DROSHA: variants seen among roughly 807,000 people sequenced by gnomAD.
DROSHA encodes ribonuclease 3.
DROSHA carries 56 observed loss-of-function variants against 181.9 expected under a neutral mutation model. The observed-to-expected ratio is 0.31, with a 90% CI of 0.25 to 0.38. The LOEUF is 0.38. Ranked by LOEUF, DROSHA falls within the 10% of genes least tolerant of loss-of-function variation. The probability of loss-of-function intolerance (pLI) is 1.00; values close to 1 mark genes in which losing one functional copy is unlikely to be tolerated. For missense variants in DROSHA, 1,218 were observed against 1,743.5 expected, an observed-to-expected ratio of 0.70 and a Z score of 5.37; for synonymous variants, 524 against 591.2, an observed-to-expected ratio of 0.89 and a Z score of 1.65.
At chr5:31,500,532 C>T (rs1753477503) in intron 11 of DROSHA, among the ~76,000 whole-genome samples, 1 of 152,196 alleles carries the variant, frequency 6.6e-6, no homozygotes, top group Non-Finnish European at 1.5e-5. Flanking sequence ...AATTCAAGGA[C>T]TCAAGGAAGT....
chr5:31,421,655 C>G (rs1471571230), intron 29 of DROSHA: 1 of 321,056 alleles, frequency 3.1e-6, no homozygotes, highest in Non-Finnish European at 5.7e-6. Flanking sequence ...AGCTGAAGAG[C>G]ATAAATTGAA....
At chr5:31,494,469 C>A (rs1415057151) in intron 12 of DROSHA, among the ~76,000 whole-genome samples, 1 of 151,892 alleles carries the variant, frequency 6.6e-6, no homozygotes, top group Non-Finnish European at 1.5e-5. Flanking sequence ...TGAAAAACTT[C>A]ACAAAGATGG....
chr5:31,515,384 G>T, intron 7 of DROSHA, 70 bp downstream of exon 7: 1 of 1,013,234 alleles, frequency 9.9e-7, no homozygotes, highest in Non-Finnish European at 1.5e-6. Flanking sequence ...CAGTCTGGTG[G>T]CATCAGAATC....
intron 6 of DROSHA, among the ~76,000 whole-genome samples, chr5:31,518,945 A>AT (rs1031695174): frequency 6.6e-6 from 1 of 152,106 alleles, no homozygotes; most frequent in Non-Finnish European, 1.5e-5. Context: ...ATCAGTTAAT[A>AT]TTTTTTTTAA....
intron 6 of DROSHA, among the ~76,000 whole-genome samples, chr5:31,517,342 T>A (rs75916649): frequency 0.055 from 8,437 of 152,264 alleles, 732 homozygotes; most frequent in African/African-American, 0.18. Flanking sequence ...AGAGATCTTT[T>A]TATGCTTCCT....
intron 10 of DROSHA, among the ~76,000 whole-genome samples, chr5:31,507,840 A>G (rs1359650997): frequency 6.6e-6 from 1 of 152,234 alleles, no homozygotes; most frequent in Non-Finnish European, 1.5e-5. Flanking sequence ...GCAGTTCTGC[A>G]AACATTTCTG....
At chr5:31,426,143 T>C (rs910307801) in intron 27 of DROSHA, among the ~76,000 whole-genome samples, 2 of 152,058 alleles carry the variant, frequency 1.3e-5, no homozygotes, top group African/African-American at 4.8e-5. Flanking sequence ...CTTGGTGTAA[T>C]AGCATAACAC....
At chr5:31,407,674 T>A (rs1000941743) in intron 33 of DROSHA, among the ~76,000 whole-genome samples, 14 of 152,206 alleles carry the variant, frequency 9.2e-5, no homozygotes, top group African/African-American at 3.1e-4. Flanking sequence ...ATGATCTTGA[T>A]AAAATGAGCA....
At chr5:31,450,422 A>G (rs1746838210) in intron 21 of DROSHA, among the ~76,000 whole-genome samples, 1 of 152,244 alleles carries the variant, frequency 6.6e-6, no homozygotes, top group Admixed American at 6.5e-5. Flanking sequence ...AAGATATGGA[A>G]TCAACCTAAG....
At chr5:31,498,187 C>T (rs1347507853) in intron 11 of DROSHA, among the ~76,000 whole-genome samples, 3 of 152,114 alleles carry the variant, frequency 2.0e-5, no homozygotes, top group African/African-American at 4.8e-5. Flanking sequence ...ACACGGACAA[C>T]ACTGCTGACA....
At chr5:31,454,736 C>T (rs1297904242) in intron 20 of DROSHA, among the ~76,000 whole-genome samples, 5 of 151,786 alleles carry the variant, frequency 3.3e-5, no homozygotes, top group Non-Finnish European at 5.9e-5. Context: ...GTCAGGAGAT[C>T]GAGATCATCC....
chr5:31,458,209 T>C (rs1007171091), intron 20 of DROSHA, among the ~76,000 whole-genome samples: 5 of 152,202 alleles, frequency 3.3e-5, no homozygotes, highest in African/African-American at 4.8e-5. Flanking sequence ...TCTTATGATA[T>C]TTTCAACCTA....
intron 35 of DROSHA, among the ~76,000 whole-genome samples, chr5:31,401,858 G>A (rs991203856): frequency 2.6e-5 from 4 of 152,132 alleles, no homozygotes; most frequent in African/African-American, 9.7e-5. Context: ...TGTGGCTTGG[G>A]AATGTTACCA....
intron 23 of DROSHA, among the ~76,000 whole-genome samples, chr5:31,444,106 AATGACG>A (rs1182680820): frequency 6.6e-6 from 1 of 152,228 alleles, no homozygotes; most frequent in Non-Finnish European, 1.5e-5. Flanking sequence ...GAAGTTTTAC[AATGACG>A]ATCAGCACAC....
intron 30 of DROSHA, among the ~76,000 whole-genome samples, chr5:31,415,615 C>G (rs1741853640): frequency 6.6e-6 from 1 of 152,322 alleles, no homozygotes; most frequent in Non-Finnish European, 1.5e-5. Context: ...CTCTCTTTCC[C>G]ATTATCCCAA....
At chr5:31,424,616 A>ATT in intron 27 of DROSHA, 145 bp from the exon 28 acceptor site, 6 of 940,782 alleles carry the variant, frequency 6.4e-6, no homozygotes, top group African/African-American at 1.7e-5. Context: ...TGGCAAACTA[A>ATT]TTTTTTTTTT....
At chr5:31,415,898 C>G (rs1007122434) in intron 30 of DROSHA, among the ~76,000 whole-genome samples, 3 of 152,150 alleles carry the variant, frequency 2.0e-5, no homozygotes, top group Admixed American at 1.3e-4. Context: ...AACCTAAAAA[C>G]TAAAAACTTC....
chr5:31,523,473 A>G (rs1298046565), intron 5 of DROSHA, among the ~76,000 whole-genome samples: 1 of 152,190 alleles, frequency 6.6e-6, no homozygotes, highest in African/African-American at 2.4e-5. Context: ...TGATGGAAAA[A>G]TTTAGGATTT....
Position 31,484,971 on chromosome 5 carries a change from T to C in DROSHA, c.1915-9A>G. The C allele has an allele frequency of 6.5e-7, 1 of 1,535,714 alleles. No homozygotes were observed. Among genetic ancestry groups the C allele is most frequent in the Non-Finnish European group, 8.8e-7 (1 of 1,141,788 alleles). ...CCTTTCACACAAAAATTCTGAAAAA[T>C]AAACCAAAATTAAATTACTGTAGTT... On this transcript the variant is annotated splice_polypyrimidine_tract_variant and intron_variant, in intron 14 of 35. Coordinates refer to ENST00000344624, the MANE Select transcript of DROSHA (RefSeq NM_001382508.1).
Sources: allele counts gnomAD v4.1 joint callset (sites outside exome capture counted in the v4.1 genomes callset), GRCh38; gene constraint gnomAD v4.1.1; transcripts MANE v1.5; gene names NCBI Gene and HGNC (gene_info 2026-07-23, HGNC 2026-07-21).